The following CCNY variants were observed in gnomAD, a reference collection of about 807,000 sequenced individuals.
CCNY encodes cyclin Y.
A neutral mutation model predicts 42.8 loss-of-function variants in CCNY; 19 were observed. The observed-to-expected ratio is 0.44, with a 90% CI of 0.31 to 0.65. The LOEUF (loss-of-function observed/expected upper bound fraction) is 0.65. Among genes scored for constraint, CCNY ranks in the 30% least tolerant of loss-of-function variants. The pLI, the probability that CCNY is intolerant of heterozygous loss-of-function variation, is 0.07. For missense variants in CCNY, 370 were observed against 437.3 expected (o/e 0.85, Z 1.37); for synonymous variants, 165 against 162.7 (o/e 1.01, Z -0.11).
intron 2 of CCNY, among the ~76,000 whole-genome samples, chr10:35,484,975 C>T (rs190383371): frequency 2.9e-4 from 44 of 152,342 alleles, no homozygotes; most frequent in Admixed American, 1.2e-3. Context: ...TATCTTCCCT[C>T]GTCACCTTTG....
At chr10:35,476,284 C>G (rs1839508071) in intron 1 of CCNY, among the ~76,000 whole-genome samples, 1 of 152,056 alleles carries the variant, frequency 6.6e-6, no homozygotes, top group South Asian at 2.1e-4. Context: ...CCAAGCAGAC[C>G]TAATAGACAT....
chr10:35,370,723 T>C (rs1836914207), intron 1 of CCNY, among the ~76,000 whole-genome samples: 1 of 151,720 alleles, frequency 6.6e-6, no homozygotes, highest in Non-Finnish European at 1.5e-5. Context: ...TATTTTATTT[T>C]ATTTTTTTTT....
At chr10:35,278,526 C>T (rs955493034) in intron 3 of CCNY, among the ~76,000 whole-genome samples, 2 of 152,116 alleles carry the variant, frequency 1.3e-5, no homozygotes, top group Admixed American at 6.5e-5. Flanking sequence ...TAGATATTCC[C>T]TGGAAACAGA....
chr10:35,394,984 C>G (rs1837492108), intron 1 of CCNY: 1 of 288,960 alleles, frequency 3.5e-6, no homozygotes, highest in Non-Finnish European at 5.2e-6. Flanking sequence ...CCACCCTCCC[C>G]CGCCCCACAA....
chr10:35,291,434 C>T (rs1835412279), intron 3 of CCNY, among the ~76,000 whole-genome samples: 1 of 151,962 alleles, frequency 6.6e-6, no homozygotes, highest in Admixed American at 6.6e-5. Context: ...CAACAGAACA[C>T]ATTTTATTCA....
chr10:35,315,059 C>T (rs190343056), intron 3 of CCNY: 2 of 152,068 alleles, frequency 1.3e-5, no homozygotes, highest in African/African-American at 4.8e-5. Context: ...CCAGCCTGGG[C>T]AACAAGAGCA....
intron 3 of CCNY, among the ~76,000 whole-genome samples, chr10:35,295,033 T>C (rs191141033): frequency 4.5e-4 from 68 of 152,004 alleles, no homozygotes; most frequent in African/African-American, 1.6e-3. Flanking sequence ...CTGGGACCTG[T>C]AGTCCCAGCT....
At chr10:35,309,625 T>C (rs1035853659) in intron 3 of CCNY, among the ~76,000 whole-genome samples, 2 of 151,982 alleles carry the variant, frequency 1.3e-5, no homozygotes, top group African/African-American at 4.8e-5. Flanking sequence ...CTCACTATGT[T>C]GCTTAGGCTG....
intron 7 of CCNY, among the ~76,000 whole-genome samples, chr10:35,531,673 T>C (rs972452514): frequency 2.6e-5 from 4 of 152,232 alleles, no homozygotes; most frequent in African/African-American, 4.8e-5. Context: ...AAATTAGTAC[T>C]GGAATACATG....
chr10:35,272,026 C>T (rs1261695188), intron 3 of CCNY, among the ~76,000 whole-genome samples: 1 of 152,158 alleles, frequency 6.6e-6, no homozygotes, highest in Non-Finnish European at 1.5e-5. Context: ...CAGAGTCTCG[C>T]TCCAGGCTGG....
rs1482376766 is a variant in CCNY, at chr10:35,516,627, G to A, written c.365+4G>A. 6 of 1,474,188 alleles carry A rather than the reference G, an allele frequency of 4.1e-6. No individual in the cohort carries two copies. The highest frequency in any genetic ancestry group is 5.6e-6 in the Non-Finnish European group (6 of 1,068,124). The allele number at this position is 1,474,188 out of a possible 1,614,324, so 91.3% of individuals were successfully genotyped here. ...ACCTCAAGTATACAATTAAATGGTG[G>A]GTATATGGATTTATTTCCTTCCTTC... is the stretch of plus-strand genomic sequence containing the variant. On this transcript the variant is annotated splice_donor_region_variant and intron_variant, in intron 4 of 9. Coordinates refer to ENST00000374704, the MANE Select transcript of CCNY (RefSeq NM_145012.6).
intron 1 of CCNY, among the ~76,000 whole-genome samples, chr10:35,474,938 A>C (rs2135351356): frequency 6.6e-6 from 1 of 151,512 alleles, no homozygotes; most frequent in South Asian, 2.1e-4. Context: ...TAACCAATAC[A>C]GAGAAGTGCT....
intron 1 of CCNY, among the ~76,000 whole-genome samples, chr10:35,428,529 T>C (rs1290157256): frequency 1.3e-5 from 2 of 152,166 alleles, no homozygotes; most frequent in Non-Finnish European, 2.9e-5. Context: ...GTGTAGGCTA[T>C]ATTAATAATT....
chr10:35,313,241 C>A lies in CCNY; in HGVS notation c.-9+62615C>A, dbSNP rs534460891. Among the ~76,000 whole-genome samples, 12 of 152,280 alleles carry A rather than the reference C, an allele frequency of 7.9e-5. No individual in the cohort carries two copies. The East Asian group carries it at 2.3e-3, about 29-fold the overall frequency. On this transcript the variant is annotated intron_variant, in intron 3 of 11. Transcript: ENST00000374706. ...ACTGGTTTCATGATAACTGTCTTTC[C>A]AGTCTCATCTCTGGGGACATATAGA...
chr10:35,306,772 A>T (rs1248075716), intron 3 of CCNY, among the ~76,000 whole-genome samples: 3 of 151,990 alleles, frequency 2.0e-5, no homozygotes, highest in African/African-American at 7.3e-5. Context: ...GTAGCAAAAC[A>T]TCTGCTAGGA....
chr10:35,521,503 C>T (rs1433426074), intron 4 of CCNY, among the ~76,000 whole-genome samples: 1 of 152,182 alleles, frequency 6.6e-6, no homozygotes, highest in African/African-American at 2.4e-5. Flanking sequence ...GCCTTAGGCA[C>T]TTGTCTGGTA....
intron 3 of CCNY, among the ~76,000 whole-genome samples, chr10:35,268,217 G>A (rs998891623): frequency 6.6e-6 from 1 of 151,876 alleles, no homozygotes. Flanking sequence ...TCTTCTTGGT[G>A]TAAAAGAATT....
At chr10:35,341,033 C>T (rs998051089) in intron 1 of CCNY, among the ~76,000 whole-genome samples, 4 of 152,216 alleles carry the variant, frequency 2.6e-5, no homozygotes, top group African/African-American at 9.6e-5. Context: ...CTGTTCTCGA[C>T]ACAACAGCCA....
intron 8 of CCNY, among the ~76,000 whole-genome samples, chr10:35,562,523 G>A (rs984097389): frequency 6.6e-6 from 1 of 152,124 alleles, no homozygotes; most frequent in Non-Finnish European, 1.5e-5. Context: ...TTGTCTCTGT[G>A]AACTTCACTA....
Sources: allele counts gnomAD v4.1 joint callset (sites outside exome capture counted in the v4.1 genomes callset), GRCh38; gene constraint gnomAD v4.1.1; transcripts MANE v1.5; gene names NCBI Gene and HGNC (gene_info 2026-07-23, HGNC 2026-07-21).